Variants in RAB38 observed in about 807,000 individuals in gnomAD.
RAB38 encodes RAB38, member RAS oncogene family.
In RAB38, 15 loss-of-function variants were observed where a neutral mutation model predicts 18.4. The observed-to-expected ratio is 0.82, with a 90% CI of 0.55 to 1.26. The LOEUF is 1.26. Ranked by LOEUF, RAB38 falls within the 50% of genes most tolerant of loss-of-function variation. The pLI is 0.00. For missense variants in RAB38, 294 were observed against 267.4 expected (o/e 1.10, Z -0.69); for synonymous variants, 101 against 104.4 (o/e 0.97, Z 0.20).
At chr11:88,064,759 G>C in the RAB38 span, among the ~76,000 whole-genome samples, 3 of 152,020 alleles carry the variant, frequency 2.0e-5, no homozygotes, top group African/African-American at 7.2e-5. Flanking sequence ...TTGACAGTTT[G>C]GGGAATTCAT....
the RAB38 span, among the ~76,000 whole-genome samples, chr11:87,813,328 T>A: frequency 6.6e-6 from 1 of 152,192 alleles, no homozygotes; most frequent in African/African-American, 2.4e-5. Context: ...GATAAAGAAC[T>A]GTTCCAGGGC....
chr11:87,843,307 C>A, the RAB38 span, among the ~76,000 whole-genome samples: 1 of 152,202 alleles, frequency 6.6e-6, no homozygotes, highest in African/African-American at 2.4e-5. Context: ...ACTGGCTAAT[C>A]TTCTGACAGA....
chr11:88,044,639 G>C, the RAB38 span, among the ~76,000 whole-genome samples: 1 of 152,162 alleles, frequency 6.6e-6, no homozygotes, highest in African/African-American at 2.4e-5. Flanking sequence ...CAAACGGTCT[G>C]AGGTGCCTGA....
Position 88,140,037 on chromosome 11 carries a change from T to C in RAB38, c.483+9638A>G, listed in dbSNP as rs137950829. 1.0e-3 allele frequency among the ~76,000 whole-genome samples: 155 copies of C among 152,166 alleles called. 1 individual carries two copies. The highest frequency in any genetic ancestry group is 3.6e-3 in the African/African-American group (148 of 41,500). On this transcript the variant is annotated intron_variant, in intron 2 of 2. Coordinates refer to ENST00000243662, the MANE Select transcript of RAB38 (RefSeq NM_022337.3). ...AAATTGCTATATTCTGGTCCTGGAG[T>C]GTGAAGGAGGAATGACTTGCATAAT...
At chr11:87,812,239 C>CT in the RAB38 span, among the ~76,000 whole-genome samples, 7 of 151,786 alleles carry the variant, frequency 4.6e-5, no homozygotes, top group Admixed American at 4.6e-4. Flanking sequence ...TTTCAAGCCT[C>CT]TTTTTGTTTT....
At chr11:88,159,334 T>C (rs1282388813) in intron 1 of RAB38, among the ~76,000 whole-genome samples, 1 of 149,600 alleles carries the variant, frequency 6.7e-6, no homozygotes, top group East Asian at 1.9e-4. Flanking sequence ...CAATCATAGA[T>C]GATATAAACA....
chr11:87,871,531 C>A, the RAB38 span, among the ~76,000 whole-genome samples: 1 of 151,216 alleles, frequency 6.6e-6, no homozygotes, highest in Admixed American at 6.6e-5. Flanking sequence ...ATAAATTAGT[C>A]CATAAAAAGC....
rs373065986 is a variant in RAB38 at position 88,120,472 on chromosome 11, G to A, written c.484-6332C>T. 2.2e-3 allele frequency among the ~76,000 whole-genome samples: 338 copies of A among 152,300 alleles called. 12 individuals are homozygous for A. The South Asian group carries it at 0.065, about 29-fold the overall frequency. ...AGAAGGCGTACATGGTGAATGTGAC[G>A]CAGAGAAGCCAGGTCTCAGTGATGC... On this transcript the variant is annotated intron_variant, in intron 2 of 2. Coordinates refer to ENST00000243662, the MANE Select transcript of RAB38 (RefSeq NM_022337.3).
At chr11:87,893,122 A>C in the RAB38 span, among the ~76,000 whole-genome samples, 2 of 151,418 alleles carry the variant, frequency 1.3e-5, no homozygotes, top group African/African-American at 4.8e-5. Context: ...GTTACAGCTA[A>C]CACTTAGATG....
chr11:87,915,548 T>C, the RAB38 span, among the ~76,000 whole-genome samples: 1 of 152,078 alleles, frequency 6.6e-6, no homozygotes, highest in Admixed American at 6.6e-5. Context: ...AGTTACCCTA[T>C]ATGGTCTAAA....
chr11:88,173,459 G>A (rs1193797309), intron 1 of RAB38: 1 of 882,210 alleles, frequency 1.1e-6, no homozygotes, highest in Non-Finnish European at 1.4e-6. Flanking sequence ...CCAGATGGAG[G>A]CAGTTCAACT....
intron 2 of RAB38, among the ~76,000 whole-genome samples, chr11:88,147,765 C>T (rs1386585198): frequency 6.6e-5 from 10 of 151,782 alleles, no homozygotes; most frequent in African/African-American, 2.2e-4. Context: ...TGGTGGCGGG[C>T]GCCTGTAGTC....
At chr11:87,942,464 C>A in the RAB38 span, among the ~76,000 whole-genome samples, 1 of 152,110 alleles carries the variant, frequency 6.6e-6, no homozygotes, top group African/African-American at 2.4e-5. Flanking sequence ...TAGCAACTCG[C>A]TGTATAAACC....
At chr11:88,016,563 T>C in the RAB38 span, among the ~76,000 whole-genome samples, 1 of 152,096 alleles carries the variant, frequency 6.6e-6, no homozygotes. Context: ...TAACAGACCT[T>C]GATAAGTCCA....
chr11:87,932,742 T>C, the RAB38 span, among the ~76,000 whole-genome samples: 1 of 152,074 alleles, frequency 6.6e-6, no homozygotes, highest in Non-Finnish European at 1.5e-5. Context: ...CTGCAGCTAG[T>C]TGTCCAGTGT....
the RAB38 span, among the ~76,000 whole-genome samples, chr11:88,006,626 AAT>A: frequency 4.4e-4 from 63 of 143,514 alleles, 1 homozygote; most frequent in Middle Eastern, 3.7e-3. Context: ...ATGTATATAT[AAT>A]ATATATATAC....
chr11:88,022,797 G>A, the RAB38 span, among the ~76,000 whole-genome samples: 1 of 152,122 alleles, frequency 6.6e-6, no homozygotes, highest in Middle Eastern at 3.4e-3. Flanking sequence ...TATAGTTGAT[G>A]GGCATTTAGG....
intron 2 of RAB38, among the ~76,000 whole-genome samples, chr11:88,130,876 G>A (rs1433576839): frequency 6.6e-6 from 1 of 152,046 alleles, no homozygotes; most frequent in Non-Finnish European, 1.5e-5. Flanking sequence ...ACTGACATGA[G>A]GGATGAAATT....
the RAB38 span, among the ~76,000 whole-genome samples, chr11:87,899,197 C>T: frequency 1.3e-5 from 2 of 151,544 alleles, no homozygotes; most frequent in African/African-American, 2.4e-5. Flanking sequence ...TTTACTGCAC[C>T]GGGTGCAAAG....
Sources: allele counts gnomAD v4.1 joint callset (sites outside exome capture counted in the v4.1 genomes callset), GRCh38; gene constraint gnomAD v4.1.1; transcripts MANE v1.5; gene names NCBI Gene and HGNC (gene_info 2026-07-23, HGNC 2026-07-21).